PRDM10: variants seen among roughly 807,000 people sequenced by gnomAD.
PRDM10 encodes the protein PR/SET domain 10, also known as PR domain zinc finger protein 10.
PRDM10 carries 65 observed loss-of-function variants against 133.1 expected under a neutral mutation model. The observed-to-expected ratio is 0.49, with a 90% confidence interval of 0.40 to 0.60. PRDM10 has a LOEUF of 0.60. PRDM10 is among the 20% of genes least tolerant of loss of function. The pLI is 0.00. For missense variants in PRDM10, 1,137 were observed against 1,507.1 expected, an observed-to-expected ratio of 0.75 and a Z score of 4.07; for synonymous variants, 582 against 580.4, an observed-to-expected ratio of 1.00 and a Z score of -0.04.
intron 13 of PRDM10, among the ~76,000 whole-genome samples, chr11:129,920,234 C>T (rs1275517449): frequency 4.6e-5 from 7 of 152,222 alleles, no homozygotes; most frequent in African/African-American, 1.4e-4. Context: ...CTATGCACAT[C>T]GTGACGGGCA....
At chr11:129,950,780 T>C (rs935858367) in intron 4 of PRDM10, among the ~76,000 whole-genome samples, 5 of 152,208 alleles carry the variant, frequency 3.3e-5, no homozygotes, top group African/African-American at 1.2e-4. Context: ...AGAGCCAACC[T>C]GAAAGAATGA....
intron 1 of PRDM10, among the ~76,000 whole-genome samples, chr11:129,992,238 G>T (rs575724345): frequency 1.3e-5 from 2 of 152,126 alleles, no homozygotes; most frequent in African/African-American, 4.8e-5. Flanking sequence ...CACCTGATTC[G>T]AAATGCATTC....
intron 1 of PRDM10, among the ~76,000 whole-genome samples, chr11:129,975,765 G>A (rs534440111): frequency 6.6e-5 from 10 of 152,246 alleles, no homozygotes; most frequent in East Asian, 1.9e-4. Flanking sequence ...CCAACCCACC[G>A]CCCTCGAAGT....
rs940596104 is a variant in PRDM10 at position 129,995,396 on chromosome 11, T to C, written c.-119+7326A>G. Among the ~76,000 whole-genome samples the C allele has an allele frequency of 3.9e-5, 6 of 152,338 alleles. No individual in the cohort carries two copies. The South Asian group carries it at 1.0e-3, about 26-fold the overall frequency. ...TCCTTTGCAAAATTGGACACGGTTC[T>C]GTCAATATTCTGTGTTGAAGACTAA... On this transcript the variant is annotated intron_variant, in intron 1 of 20. Coordinates refer to ENST00000360871, the MANE Select transcript of PRDM10 (RefSeq NM_199437.2).
chr11:129,991,943 A>G (rs1038246735), intron 1 of PRDM10, among the ~76,000 whole-genome samples: 1 of 152,154 alleles, frequency 6.6e-6, no homozygotes, highest in Non-Finnish European at 1.5e-5. Context: ...GCGAGCCAAG[A>G]TCACGCCACT....
At chr11:129,999,567 C>T (rs1453933937) in intron 1 of PRDM10, among the ~76,000 whole-genome samples, 1 of 152,144 alleles carries the variant, frequency 6.6e-6, no homozygotes, top group Non-Finnish European at 1.5e-5. Context: ...TTAAAACAAA[C>T]TGAACAACTC....
chr11:129,974,064 G>A (rs1937633031), intron 1 of PRDM10, among the ~76,000 whole-genome samples: 1 of 152,202 alleles, frequency 6.6e-6, no homozygotes, highest in Non-Finnish European at 1.5e-5. Flanking sequence ...ACCAGCAGCT[G>A]ACCTGGTACG....
chr11:129,965,219 C>T (rs1214879599), intron 1 of PRDM10, among the ~76,000 whole-genome samples: 2 of 150,898 alleles, frequency 1.3e-5, no homozygotes, highest in African/African-American at 4.9e-5. Context: ...CCAGCCTGGG[C>T]GACACAGCAA....
rs867229348 is a variant in PRDM10, at chr11:129,920,011, C to T, written c.2035-1293G>A. Among the ~76,000 whole-genome samples the T allele has an allele frequency of 1.9e-4, 29 of 152,328 alleles. No homozygotes were observed. The South Asian group carries it at 3.7e-3, about 20-fold the overall frequency. Reference sequence around the variant, plus strand: ...GATTTGGATTAAGGACACTGCCCTACGTGACAGTATCTTTCTTTAGTGTGG... The same window carrying T: ...GATTTGGATTAAGGACACTGCCCTATGTGACAGTATCTTTCTTTAGTGTGG... On this transcript the variant is annotated intron_variant, in intron 13 of 20. Coordinates refer to ENST00000360871, the MANE Select transcript of PRDM10 (RefSeq NM_199437.2).
chr11:129,925,242 C>A lies in PRDM10; in HGVS notation c.1531-13G>T. ...GAAGAGCTGCATTCTGAAAGACATA[C>A]ACAAATGTGATCATTTAGTGATGAA... is the stretch of plus-strand genomic sequence containing the variant. On this transcript the variant is annotated splice_polypyrimidine_tract_variant and intron_variant, in intron 11 of 20. Coordinates refer to ENST00000360871, the MANE Select transcript of PRDM10 (RefSeq NM_199437.2). The A allele has an allele frequency of 1.9e-6, 3 of 1,584,818 alleles. No individual in the cohort carries two copies. In the South Asian group the frequency reaches 3.5e-5, roughly 18 times the overall value.
At chr11:129,963,451 G>GAAGAGAAGAGAAGAGAAGAGAA (rs1252903709) in intron 1 of PRDM10, among the ~76,000 whole-genome samples, 3 of 148,966 alleles carry the variant, frequency 2.0e-5, no homozygotes, top group Non-Finnish European at 4.5e-5. Context: ...GAAGAGAAGA[G>GAAGAGAAGAGAAGAGAAGAGAA]AAGAAGTCAT....
Position 129,957,887 on chromosome 11 carries a change from T to C in PRDM10, c.93A>G (p.Gly31=), listed in dbSNP as rs1475332086. The C allele has an allele frequency of 2.5e-6, 4 of 1,613,368 alleles. No individual in the cohort carries two copies. Among genetic ancestry groups the C allele is most frequent in the Non-Finnish European group, 3.4e-6 (4 of 1,179,648 alleles). Residue 31 remains glycine (G), a synonymous_variant, in exon 3 of 21, where the codon GGA becomes GGG. Transcript: ENST00000360871. ...AAQVHFVPDT[G]TVAQIVYTDD... The stretch of plus-strand genomic sequence containing the variant: ...CGGTATAGACAATCTGAGCCACTGT[T>C]CCTGTGTCCGGAACAAAGTGCACCT...
intron 10 of PRDM10, 86 bp from the exon 11 acceptor site, chr11:129,931,344 C>G: frequency 6.8e-7 from 1 of 1,478,036 alleles, no homozygotes; most frequent in Non-Finnish European, 9.1e-7. Flanking sequence ...TTCAGAATGA[C>G]TAGATTCATA....
At chr11:129,937,476 A>C in intron 8 of PRDM10, 122 bp downstream of exon 8, 1 of 758,898 alleles carries the variant, frequency 1.3e-6, no homozygotes, top group South Asian at 2.2e-5. Flanking sequence ...TGTCTCTAAA[A>C]AACCTACTGG....
At chr11:129,902,552 G>T (rs1949875301) in intron 20 of PRDM10, 36 bp from the exon 21 acceptor site, 2 of 1,594,080 alleles carry the variant, frequency 1.3e-6, no homozygotes, top group African/African-American at 2.7e-5. Flanking sequence ...AAAAACTTGG[G>T]GCCTTAAAGG....
Position 129,957,775 on chromosome 11 carries a change from C to A in PRDM10, c.205G>T (p.Val69Leu). Residue 69 changes from valine to leucine, a missense_variant, in exon 3 of 21, where the codon GTG becomes TTG. Around this residue, in one of 6 missense-constraint regions of PRDM10, gnomAD observed 635 missense variants for 835.2 expected, o/e 0.76. Coordinates refer to ENST00000360871, the MANE Select transcript of PRDM10 (RefSeq NM_199437.2). ...GCAGCTTCCACCGGGTGGATGTACA[C>A]CAGCGTGTGCTCTGGACCATCCACT... is the stretch of plus-strand genomic sequence containing the variant. ...TSVDGPEHTL[V>L]YIHPVEAAQT... 6.2e-7 allele frequency: 1 copy of A among 1,613,792 alleles called. No individual in the cohort carries two copies. The highest frequency in any genetic ancestry group is 8.5e-7 in the Non-Finnish European group (1 of 1,179,778).
At chr11:129,957,501 T>C (rs1951717825) in intron 3 of PRDM10, among the ~76,000 whole-genome samples, 2 of 152,182 alleles carry the variant, frequency 1.3e-5, no homozygotes, top group East Asian at 1.9e-4. Context: ...GTATTTTTAG[T>C]AGAGACAGGG....
rs867970026 is a variant in PRDM10, at chr11:129,914,777, A to G, written c.2768T>C (p.Ile923Thr). Residue 923 changes from isoleucine (I) to threonine (T), a missense_variant, in exon 17 of 21, where the codon ATC (isoleucine) becomes ACC (threonine). Ile to Thr is a moderately conservative substitution (Grantham distance 89). Transcript: ENST00000360871. ...GCCAGACGCCGACTGCGACACAGGG[A>G]TGTACTGAATTCTCTGGTAATCCCC... ...PQGDYQRIQY[I>T]PVSQSASGLQ... 4 of 1,614,188 alleles carry G rather than the reference A, an allele frequency of 2.5e-6. No homozygotes were observed. The highest frequency in any genetic ancestry group is 3.4e-6 in the Non-Finnish European group (4 of 1,180,042).
In PRDM10 at chr11:129,932,097, C is replaced by A. The variant is rs753352744; in HGVS notation, c.1287+5G>T. 25 of 1,613,334 alleles carry A rather than the reference C, an allele frequency of 1.5e-5. No individual in the cohort carries two copies. In the African/African-American group the frequency reaches 2.5e-4, roughly 16 times the overall value. Reference sequence around the variant, plus strand: ...TAAGGAGGGCTCCTTCCCGTCCCCCCGTACCTGTGTCCCATCGTCACTCTT... The same window carrying A: ...TAAGGAGGGCTCCTTCCCGTCCCCCAGTACCTGTGTCCCATCGTCACTCTT... On this transcript the variant is annotated splice_donor_5th_base_variant and intron_variant, in intron 10 of 20. Coordinates refer to ENST00000360871, the MANE Select transcript of PRDM10 (RefSeq NM_199437.2).
Sources: allele counts gnomAD v4.1 joint callset (sites outside exome capture counted in the v4.1 genomes callset), GRCh38; gene constraint gnomAD v4.1.1; regional missense constraint gnomAD v4.1.1; transcripts MANE v1.5; gene names NCBI Gene and HGNC (gene_info 2026-07-23, HGNC 2026-07-21).